Variants in CUX2 observed in about 807,000 individuals in gnomAD.
CUX2 encodes cut like homeobox 2, also known as homeobox protein cut-like 2.
Under a neutral mutation model 144.8 loss-of-function variants are expected in CUX2, and 40 were observed. That is an observed-to-expected ratio of 0.28 (90% CI 0.21 to 0.36). CUX2 has a LOEUF of 0.36. CUX2 is among the 10% of genes least tolerant of loss of function. CUX2 has a pLI of 1.00. For synonymous variants in CUX2, 827 were observed against 875.6 expected (o/e 0.94, Z 0.98); for missense variants, 1,615 against 1,994.0 (o/e 0.81, Z 3.62).
intron 12 of CUX2, 116 bp from the exon 13 acceptor site, chr12:111,308,169 T>C: frequency 8.9e-7 from 1 of 1,128,378 alleles, no homozygotes; most frequent in South Asian, 1.3e-5. Context: ...TTAATGGGGT[T>C]CTGGGGAATG....
chr12:111,134,305 C>T (rs1477456920), intron 1 of CUX2, among the ~76,000 whole-genome samples: 1 of 152,214 alleles, frequency 6.6e-6, no homozygotes, highest in Non-Finnish European at 1.5e-5. Flanking sequence ...GTATTATGGA[C>T]ACTGTCACCC....
chr12:111,295,412 A>G lies in CUX2; in HGVS notation c.637+3A>G, dbSNP rs759115680. ...GAAAATCAAAGTCCTACATTCAGGT[A>G]TGTGTCGGCACCATGTGGCCTAGAG... On this transcript the variant is annotated splice_donor_region_variant and intron_variant, in intron 7 of 21. Coordinates refer to ENST00000261726, the MANE Select transcript of CUX2 (RefSeq NM_015267.4). This position sits in a 1 kb window ranked among gnomAD's most constrained non-coding sequence, Gnocchi z 5.0. 1.9e-6 allele frequency: 3 copies of G among 1,611,392 alleles called. No individual in the cohort carries two copies. Among genetic ancestry groups the G allele is most frequent in the South Asian group, 1.1e-5 (1 of 90,352 alleles).
intron 20 of CUX2, among the ~76,000 whole-genome samples, chr12:111,340,467 G>A (rs1184481450): frequency 2.0e-5 from 3 of 152,176 alleles, no homozygotes; most frequent in Non-Finnish European, 4.4e-5. Flanking sequence ...TCAGCACTTT[G>A]GAAGGCCAAG....
intron 3 of CUX2, among the ~76,000 whole-genome samples, chr12:111,232,823 G>C (rs754875795): frequency 3.9e-5 from 6 of 152,190 alleles, no homozygotes; most frequent in African/African-American, 1.2e-4. Flanking sequence ...AATATTTACA[G>C]AGCACCTACT....
chr12:111,334,539 A>G lies in CUX2; in HGVS notation c.3025A>G (p.Ser1009Gly), dbSNP rs1234184542. The change falls in exon 19 of 22, where the codon AGC becomes GGC. Residue 1009 changes from serine to glycine, a missense_variant. Ser to Gly is a moderately conservative substitution (Grantham distance 56). This residue lies in a region of CUX2 where 128 missense variants were observed against 124.4 expected (regional missense o/e 1.03). Coordinates refer to ENST00000261726, the MANE Select transcript of CUX2 (RefSeq NM_015267.4). ...GCCGTTGAGCCTGTCCCTGGAGAGC[A>G]GCAAGGAGAACCAGCAGCCAGAGGG... ...QEPLSLSLES[S>G]KENQQPEGRS... The G allele has an allele frequency of 6.2e-7, 1 of 1,613,776 alleles. No homozygotes were observed. The highest frequency in any genetic ancestry group is 1.3e-5 in the African/African-American group (1 of 74,872).
At position 111,178,496 on chromosome 12, in the gene CUX2, CT is replaced by C. The variant is rs1878985535; in HGVS notation, c.64-35703del. Among the ~76,000 whole-genome samples the C allele has an allele frequency of 6.6e-6, 1 of 152,162 alleles. No homozygotes were observed. The highest frequency in any genetic ancestry group is 1.5e-5 in the Non-Finnish European group (1 of 68,028). Reference sequence around the variant, plus strand: ...TTATGACCCGGTCCAGCCACTCCCCCTCCCCCATTTAAAACACAGAACGTGA... The same window carrying C: ...TTATGACCCGGTCCAGCCACTCCCCCCCCCCATTTAAAACACAGAACGTGA... On this transcript the variant is annotated intron_variant, in intron 1 of 21. Coordinates refer to ENST00000261726, the MANE Select transcript of CUX2 (RefSeq NM_015267.4). The surrounding 1 kb of genome is among the most constrained non-coding windows in gnomAD (Gnocchi z 5.7).
At position 111,338,452 on chromosome 12, in the gene CUX2, T is replaced by C. The variant is rs774802420; in HGVS notation, c.3363T>C (p.Asp1121=). The change falls in exon 20 of 22, where the codon GAT becomes GAC. Residue 1121 remains aspartate, a synonymous_variant. Transcript: ENST00000261726. ...NDPHNVEKLR[D]MKKLEKKAYL... Reference sequence around the variant, plus strand: ...CCCATAACGTGGAGAAGCTGAGGGATATGAAGAAGCTGGAGAAGAAAGGTA... The same window carrying C: ...CCCATAACGTGGAGAAGCTGAGGGACATGAAGAAGCTGGAGAAGAAAGGTA... 3 of 1,613,128 alleles carry C rather than the reference T, an allele frequency of 1.9e-6. No individual in the cohort carries two copies. Among genetic ancestry groups the C allele is most frequent in the Non-Finnish European group, 2.5e-6 (3 of 1,179,414 alleles).
intron 1 of CUX2, among the ~76,000 whole-genome samples, chr12:111,125,281 G>T (rs1402819259): frequency 1.3e-5 from 2 of 151,858 alleles, no homozygotes; most frequent in African/African-American, 4.8e-5. Context: ...TTGGGTTCAA[G>T]CGATTCTCCT....
chr12:111,153,231 A>T (rs575515024), intron 1 of CUX2, among the ~76,000 whole-genome samples: 3 of 152,306 alleles, frequency 2.0e-5, no homozygotes, highest in African/African-American at 7.2e-5. Context: ...GCATTCATTC[A>T]TTTATTCACT....
chr12:111,328,941 ATCTC>A (rs1227047616), intron 18 of CUX2, among the ~76,000 whole-genome samples: 86 of 28,978 alleles, frequency 3.0e-3, no homozygotes, highest in Non-Finnish European at 3.2e-3. Context: ...TGATTCACCT[ATCTC>A]TCTCTCTCTC....
At chr12:111,218,173 C>T (rs1476017873) in intron 3 of CUX2, among the ~76,000 whole-genome samples, 1 of 152,206 alleles carries the variant, frequency 6.6e-6, no homozygotes, top group African/African-American at 2.4e-5. Context: ...AAATCTCCCT[C>T]TCCCTCGACT....
chr12:111,222,529 A>C (rs193252793), intron 3 of CUX2, among the ~76,000 whole-genome samples: 1 of 152,162 alleles, frequency 6.6e-6, no homozygotes, highest in African/African-American at 2.4e-5. Flanking sequence ...TGATTGAAAC[A>C]CAGTAGTTTG....
intron 18 of CUX2, among the ~76,000 whole-genome samples, chr12:111,333,637 T>C: frequency 6.6e-6 from 1 of 152,188 alleles, no homozygotes; most frequent in African/African-American, 2.4e-5. Flanking sequence ...TGCCATGTCC[T>C]TCTCAGGCCA....
Position 111,039,093 on chromosome 12 carries a change from A to T in CUX2, c.63+4853A>T, listed in dbSNP as rs185352556. 6.6e-6 allele frequency among the ~76,000 whole-genome samples: 1 copy of T among 152,186 alleles called. No homozygotes were observed. Among genetic ancestry groups the T allele is most frequent in the East Asian group, 1.9e-4 (1 of 5,180 alleles). ...GCTAGTGCTAAATATATGGTCCTGG[A>T]TGATGGTAGACAAGGCTGCCCAGAA... On this transcript the variant is annotated intron_variant, in intron 1 of 21. Coordinates refer to ENST00000261726, the MANE Select transcript of CUX2 (RefSeq NM_015267.4). The surrounding 1 kb of genome is among the most constrained non-coding windows in gnomAD (Gnocchi z 4.2).
At chr12:111,251,181 T>G (rs1350348675) in intron 3 of CUX2, among the ~76,000 whole-genome samples, 1 of 152,126 alleles carries the variant, frequency 6.6e-6, no homozygotes, top group Non-Finnish European at 1.5e-5. Context: ...CTTCGGTGCA[T>G]GGATGCTTCG....
chr12:111,097,088 A>C (rs967110758), intron 1 of CUX2, among the ~76,000 whole-genome samples: 3 of 152,232 alleles, frequency 2.0e-5, no homozygotes, highest in Non-Finnish European at 2.9e-5. Context: ...GAGCCTTGCC[A>C]ACACATCGGA....
Position 111,338,328 on chromosome 12 carries a change from G to T in CUX2, c.3239G>T (p.Gly1080Val), listed in dbSNP as rs763355580. The change falls in exon 20 of 22, where the codon GGC becomes GTC. Residue 1080 changes from glycine to valine, a missense_variant. Coordinates refer to ENST00000261726, the MANE Select transcript of CUX2 (RefSeq NM_015267.4). ...GAAAGCATCCTGGGTCTGACACAGGGCTCCGTGTCTGACCTGCTGTCCCGG... is the reference window on the plus strand; with the variant it reads ...GAAAGCATCCTGGGTCTGACACAGGTCTCCGTGTCTGACCTGCTGTCCCGG... ...FGESILGLTQGSVSDLLSRPK... is the reference protein window; with the variant it reads ...FGESILGLTQVSVSDLLSRPK... The T allele has an allele frequency of 6.2e-7, 1 of 1,613,710 alleles. No homozygotes were observed. Among genetic ancestry groups the T allele is most frequent in the East Asian group, 2.2e-5 (1 of 44,876 alleles).
chr12:111,200,958 G>A (rs1279908310), intron 1 of CUX2, among the ~76,000 whole-genome samples: 1 of 152,184 alleles, frequency 6.6e-6, no homozygotes, highest in African/African-American at 2.4e-5. Flanking sequence ...AACCCTCGAG[G>A]CATCCTTGCT....
At position 111,320,060 on chromosome 12, in the gene CUX2, C is replaced by A; in HGVS notation, c.2051C>A (p.Thr684Asn). Residue 684 changes from threonine (T) to asparagine (N), a missense_variant, in exon 17 of 22, where the codon ACC (threonine) becomes AAC (asparagine). By Grantham distance (65) the Thr-to-Asn change is moderately conservative (BLOSUM62 0). Transcript: ENST00000261726. The surrounding 1 kb of genome is among the most constrained non-coding windows in gnomAD (Gnocchi z 8.1). Reference protein sequence around the residue: ...VAPLSIANGTTPASTSEDAIK... With the variant: ...VAPLSIANGTNPASTSEDAIK... ...CCGCTGAGCATCGCCAACGGCACGA[C>A]CCCCGCCAGCACCTCGGAGGACGCC... 1 of 1,549,158 alleles carries A rather than the reference C, an allele frequency of 6.5e-7. No individual in the cohort carries two copies. Among genetic ancestry groups the A allele is most frequent in the Non-Finnish European group, 8.7e-7 (1 of 1,151,786 alleles).
Sources: gnomAD v4.1 joint callset for allele counts (sites outside exome capture counted in the v4.1 genomes callset) on GRCh38, gnomAD v4.1.1 for gene constraint, gnomAD v4.1.1 regional missense constraint, Gnocchi (gnomAD v3.1) non-coding constraint, MANE v1.5 for transcripts, NCBI Gene and HGNC (gene_info 2026-07-23, HGNC 2026-07-21) for gene names.